SH3GL2: variants seen among roughly 807,000 people sequenced by gnomAD.
The protein encoded by SH3GL2 is endophilin-A1.
SH3GL2 carries 24 observed loss-of-function variants against 46.0 expected under a neutral mutation model. The observed-to-expected ratio is 0.52, with a 90% CI of 0.38 to 0.73. The LOEUF (loss-of-function observed/expected upper bound fraction) is 0.73, where lower values mean the gene tolerates loss of function less well. SH3GL2 is among the 30% of genes least tolerant of loss of function. The pLI is 0.00. For synonymous variants in SH3GL2, 196 were observed against 147.1 expected (o/e 1.33, Z -2.40); for missense variants, 413 against 424.2 (o/e 0.97, Z 0.23).
At chr9:17,719,109 C>A (rs1215132801) in intron 1 of SH3GL2, among the ~76,000 whole-genome samples, 1 of 152,074 alleles carries the variant, frequency 6.6e-6, no homozygotes, top group Non-Finnish European at 1.5e-5. Flanking sequence ...AAGCTCACTG[C>A]ATATAATTGG....
At chr9:17,743,741 G>A (rs778840828) in intron 1 of SH3GL2, among the ~76,000 whole-genome samples, 1 of 152,168 alleles carries the variant, frequency 6.6e-6, no homozygotes, top group Non-Finnish European at 1.5e-5. Flanking sequence ...TGCTGTGGAT[G>A]GATGCAAGAA....
chr9:17,686,449 A>G (rs1254490669), intron 1 of SH3GL2, among the ~76,000 whole-genome samples: 2 of 141,926 alleles, frequency 1.4e-5, no homozygotes, highest in African/African-American at 2.6e-5. Flanking sequence ...GTATATACCC[A>G]AAGGACTATA....
At chr9:17,622,778 A>G (rs1002587172) in intron 1 of SH3GL2, among the ~76,000 whole-genome samples, 11 of 152,216 alleles carry the variant, frequency 7.2e-5, no homozygotes, top group African/African-American at 2.6e-4. Context: ...GTAAAGAATA[A>G]TGGATCCTGA....
intron 3 of SH3GL2, among the ~76,000 whole-genome samples, chr9:17,782,291 T>C (rs1476512887): frequency 6.6e-6 from 1 of 152,086 alleles, no homozygotes; most frequent in African/African-American, 2.4e-5. Flanking sequence ...ACTCTCTTTT[T>C]CGGGGAAAAT....
chr9:17,723,871 T>C (rs1588274742), intron 1 of SH3GL2, among the ~76,000 whole-genome samples: 1 of 152,164 alleles, frequency 6.6e-6, no homozygotes, highest in Non-Finnish European at 1.5e-5. Flanking sequence ...GTTCATCTTA[T>C]TGTGATGCCA....
chr9:17,670,259 G>T (rs1427051722), intron 1 of SH3GL2, among the ~76,000 whole-genome samples: 1 of 152,116 alleles, frequency 6.6e-6, no homozygotes, highest in Admixed American at 6.5e-5. Flanking sequence ...AAGCTTCCAG[G>T]TTCCTTATCT....
intron 1 of SH3GL2, among the ~76,000 whole-genome samples, chr9:17,677,927 C>A (rs929490278): frequency 6.6e-6 from 1 of 152,036 alleles, no homozygotes; most frequent in Non-Finnish European, 1.5e-5. Context: ...TGGTTTCCAG[C>A]TTCATCCATG....
chr9:17,793,447 G>T lies in SH3GL2; in HGVS notation c.809G>T (p.Ser270Ile), dbSNP rs774166488. The T allele has an allele frequency of 1.2e-6, 2 of 1,611,814 alleles. No homozygotes were observed. The highest frequency in any genetic ancestry group is 8.5e-7 in the Non-Finnish European group (1 of 1,179,338). ...RMSLEFPTGDSTQPNGGLSHT... is the reference protein window; with the variant it reads ...RMSLEFPTGDITQPNGGLSHT... Reference sequence around the variant, plus strand: ...AGCCTGGAGTTTCCAACTGGAGACAGTACTCAGCCCAATGGGGGTCTCTCC... The same window carrying T: ...AGCCTGGAGTTTCCAACTGGAGACATTACTCAGCCCAATGGGGGTCTCTCC... The change falls in exon 8 of 9, where the codon AGT becomes ATT. Residue 270 changes from serine (S) to isoleucine (I), a missense_variant. Physicochemically the swap from Ser to Ile is moderately radical, Grantham distance 142 (BLOSUM62 -2). Coordinates refer to ENST00000380607, the MANE Select transcript of SH3GL2 (RefSeq NM_003026.5).
chr9:17,581,740 C>A (rs1818280189), intron 1 of SH3GL2, among the ~76,000 whole-genome samples: 1 of 151,954 alleles, frequency 6.6e-6, no homozygotes, highest in African/African-American at 2.4e-5. Flanking sequence ...CTCTTGTCGC[C>A]CAGGCAGGAG....
chr9:17,775,056 A>G (rs1264846108), intron 3 of SH3GL2, among the ~76,000 whole-genome samples: 1 of 151,988 alleles, frequency 6.6e-6, no homozygotes, highest in Non-Finnish European at 1.5e-5. Flanking sequence ...TAGGTTATAC[A>G]GTTCATTGTT....
chr9:17,603,437 A>G (rs114166533), intron 1 of SH3GL2, among the ~76,000 whole-genome samples: 3,319 of 152,334 alleles, frequency 0.022, 49 homozygotes, highest in African/African-American at 0.047. Flanking sequence ...GAGTAGTCAA[A>G]TTCATAGACA....
chr9:17,775,310 G>C (rs1177781022), intron 3 of SH3GL2, among the ~76,000 whole-genome samples: 1 of 152,066 alleles, frequency 6.6e-6, no homozygotes, highest in Non-Finnish European at 1.5e-5. Context: ...ATTTTTAGCT[G>C]TTGGTTGCCA....
chr9:17,713,228 A>G (rs1033409476), intron 1 of SH3GL2, among the ~76,000 whole-genome samples: 1 of 151,582 alleles, frequency 6.6e-6, no homozygotes, highest in African/African-American at 2.4e-5. Flanking sequence ...TTATCCCTCT[A>G]AAATTTGTAG....
chr9:17,771,018 G>C (rs1028658299), intron 3 of SH3GL2, among the ~76,000 whole-genome samples: 3 of 152,180 alleles, frequency 2.0e-5, no homozygotes. Flanking sequence ...GAAACTGTGA[G>C]GTAATGTGTG....
At chr9:17,753,544 CT>C (rs1453127705) in intron 2 of SH3GL2, among the ~76,000 whole-genome samples, 1 of 151,954 alleles carries the variant, frequency 6.6e-6, no homozygotes, top group Non-Finnish European at 1.5e-5. Context: ...TTGTAAATTT[CT>C]TTAAGTTCCT....
At chr9:17,693,278 A>G (rs900568011) in intron 1 of SH3GL2, among the ~76,000 whole-genome samples, 3 of 151,968 alleles carry the variant, frequency 2.0e-5, no homozygotes, top group African/African-American at 7.2e-5. Flanking sequence ...GTTGCTGGTG[A>G]TTTTTTCTCC....
chr9:17,676,848 CT>C (rs967592140), intron 1 of SH3GL2, among the ~76,000 whole-genome samples: 1 of 152,108 alleles, frequency 6.6e-6, no homozygotes, highest in African/African-American at 2.4e-5. Flanking sequence ...TCTCTAGTTT[CT>C]TTTTGTCCTT....
chr9:17,718,570 C>G (rs1002326257), intron 1 of SH3GL2, among the ~76,000 whole-genome samples: 12 of 151,960 alleles, frequency 7.9e-5, no homozygotes, highest in African/African-American at 2.9e-4. Flanking sequence ...CAAAACAACC[C>G]CACAAAAATT....
At chr9:17,766,767 G>A (rs910743174) in intron 3 of SH3GL2, among the ~76,000 whole-genome samples, 1 of 151,968 alleles carries the variant, frequency 6.6e-6, no homozygotes, top group African/African-American at 2.4e-5. Context: ...TCAGCAGCCC[G>A]CTGTGGCCAG....
Sources: allele counts gnomAD v4.1 joint callset (sites outside exome capture counted in the v4.1 genomes callset), GRCh38; gene constraint gnomAD v4.1.1; transcripts MANE v1.5; gene names NCBI Gene and HGNC (gene_info 2026-07-23, HGNC 2026-07-21).